The following RASGRP1 variants were observed in gnomAD, a reference collection of about 807,000 sequenced individuals.
The protein encoded by RASGRP1 is RAS guanyl-releasing protein 1.
In RASGRP1, 37 loss-of-function variants were observed where a neutral mutation model predicts 95.1. That is an observed-to-expected ratio of 0.39 (90% confidence interval 0.30 to 0.51). The LOEUF is 0.51. Ranked by LOEUF, RASGRP1 falls within the 20% of genes least tolerant of loss-of-function variation. The probability of loss-of-function intolerance (pLI) is 0.80; values close to 1 mark genes in which losing one functional copy is unlikely to be tolerated. For synonymous variants in RASGRP1, 325 were observed against 353.4 expected (o/e 0.92, Z 0.90); for missense variants, 711 against 965.4 (o/e 0.74, Z 3.49).
Position 38,512,856 on chromosome 15 carries a change from T to A in RASGRP1, c.776A>T (p.Gln259Leu), listed in dbSNP as rs1470863423. 1 of 1,613,612 alleles carries A rather than the reference T, an allele frequency of 6.2e-7. No homozygotes were observed. Among genetic ancestry groups the A allele is most frequent in the South Asian group, 1.1e-5 (1 of 91,050 alleles). The stretch of plus-strand genomic sequence containing the variant: ...CGTGGGGCGGCTGAGAACCATCAGT[T>A]GTACCCACTGGGAGATGCCGTTGCA... Reference protein sequence around the residue: ...ALCNGISQWVQLMVLSRPTPQ... With the variant: ...ALCNGISQWVLLMVLSRPTPQ... Residue 259 changes from glutamine (Q) to leucine (L), a missense_variant, in exon 7 of 17, where the codon CAA becomes CTA. By Grantham distance (113) the Gln-to-Leu change is moderately radical. Transcript: ENST00000310803.
At chr15:38,547,435 C>A (rs1893146500) in intron 2 of RASGRP1, among the ~76,000 whole-genome samples, 1 of 152,130 alleles carries the variant, frequency 6.6e-6, no homozygotes, top group South Asian at 2.1e-4. Flanking sequence ...AGTTCCTTTC[C>A]CTCAGATAAG....
At chr15:38,560,628 G>A (rs1009340238) in intron 1 of RASGRP1, among the ~76,000 whole-genome samples, 1 of 152,320 alleles carries the variant, frequency 6.6e-6, no homozygotes, top group East Asian at 1.9e-4. Context: ...GATGATGGTG[G>A]TGTTTAGATT....
At chr15:38,543,939 C>A (rs1233739637) in intron 2 of RASGRP1, among the ~76,000 whole-genome samples, 1 of 152,000 alleles carries the variant, frequency 6.6e-6, no homozygotes, top group Admixed American at 6.6e-5. Context: ...CATTTTCCTG[C>A]TTCTTTTTCT....
chr15:38,549,461 A>C (rs1169883965), intron 2 of RASGRP1, among the ~76,000 whole-genome samples: 1 of 152,154 alleles, frequency 6.6e-6, no homozygotes, highest in African/African-American at 2.4e-5. Context: ...AGATTACAAA[A>C]CCAAGTCCTA....
At chr15:38,527,494 A>G (rs1892267572) in intron 2 of RASGRP1, among the ~76,000 whole-genome samples, 1 of 152,136 alleles carries the variant, frequency 6.6e-6, no homozygotes. Flanking sequence ...GAGTGTTGAT[A>G]GTTTCTGGAT....
intron 1 of RASGRP1, 47 bp downstream of exon 1, chr15:38,564,546 CA>C: frequency 7.5e-7 from 1 of 1,331,638 alleles, no homozygotes; most frequent in South Asian, 2.2e-5. Context: ...GCCTCTTTCC[CA>C]AGAAAGGACA....
At chr15:38,510,106 A>G (rs1441230266) in intron 8 of RASGRP1, among the ~76,000 whole-genome samples, 1 of 152,194 alleles carries the variant, frequency 6.6e-6, no homozygotes, top group Non-Finnish European at 1.5e-5. Context: ...GAAATCAACA[A>G]CTTGGGGACT....
At chr15:38,514,918 C>T (rs558392753) in intron 6 of RASGRP1, among the ~76,000 whole-genome samples, 4 of 152,106 alleles carry the variant, frequency 2.6e-5, no homozygotes, top group African/African-American at 9.7e-5. Flanking sequence ...TTCCCTGTGA[C>T]GGGGAGGCAC....
At chr15:38,510,831 T>C (rs62003605) in intron 8 of RASGRP1, among the ~76,000 whole-genome samples, 3,412 of 152,214 alleles carry the variant, frequency 0.022, 60 homozygotes, top group African/African-American at 0.041. Flanking sequence ...CATAATGGTG[T>C]GCACCCATGG....
chr15:38,500,883 T>C (rs1890989194), intron 13 of RASGRP1, among the ~76,000 whole-genome samples: 1 of 152,228 alleles, frequency 6.6e-6, no homozygotes, highest in Admixed American at 6.5e-5. Flanking sequence ...ATGAATATTA[T>C]ACTTTAAAAG....
At chr15:38,557,802 A>G (rs1461201905) in intron 2 of RASGRP1, among the ~76,000 whole-genome samples, 3 of 152,112 alleles carry the variant, frequency 2.0e-5, no homozygotes, top group Non-Finnish European at 4.4e-5. Flanking sequence ...ATTAGACTCA[A>G]CGGGACTTTT....
At chr15:38,509,311 C>T (rs1440579567) in intron 8 of RASGRP1, among the ~76,000 whole-genome samples, 3 of 152,158 alleles carry the variant, frequency 2.0e-5, no homozygotes, top group Non-Finnish European at 2.9e-5. Context: ...CACTGCAATA[C>T]CATGACAGTC....
At chr15:38,539,130 T>C (rs544260171) in intron 2 of RASGRP1, among the ~76,000 whole-genome samples, 2 of 152,320 alleles carry the variant, frequency 1.3e-5, no homozygotes, top group African/African-American at 4.8e-5. Context: ...GTGACAGTGC[T>C]GTGACTTGAG....
chr15:38,545,912 C>T lies in RASGRP1; in HGVS notation c.220+13909G>A, dbSNP rs140218643. Among the ~76,000 whole-genome samples, 222 of 152,198 alleles carry T rather than the reference C, an allele frequency of 1.5e-3. 1 individual carries two copies. Among genetic ancestry groups the T allele is most frequent in the African/African-American group, 4.8e-3 (201 of 41,534 alleles). On this transcript the variant is annotated intron_variant, in intron 2 of 16. Transcript: ENST00000310803. ...AAAATGAGAGACTTTTCAGGTCTTC[C>T]TTACTAAACACTGCATTAATACAGC...
At chr15:38,550,417 A>C (rs1190107867) in intron 2 of RASGRP1, among the ~76,000 whole-genome samples, 1 of 152,082 alleles carries the variant, frequency 6.6e-6, no homozygotes, top group African/African-American at 2.4e-5. Context: ...TGTTTCCTTC[A>C]TTTATTACAA....
intron 8 of RASGRP1, among the ~76,000 whole-genome samples, chr15:38,508,388 C>T (rs1408608311): frequency 6.6e-6 from 1 of 152,170 alleles, no homozygotes; most frequent in Non-Finnish European, 1.5e-5. Context: ...GATTCCCTTC[C>T]TTGGTGTCTT....
At chr15:38,540,184 G>A (rs550942333) in intron 2 of RASGRP1, among the ~76,000 whole-genome samples, 6 of 152,116 alleles carry the variant, frequency 3.9e-5, no homozygotes, top group South Asian at 4.1e-4. Context: ...CACCTCGGCC[G>A]GCCAAAGTTC....
At chr15:38,561,702 C>T (rs11630817) in intron 1 of RASGRP1, among the ~76,000 whole-genome samples, 10,388 of 152,204 alleles carry the variant, frequency 0.068, 487 homozygotes, top group East Asian at 0.27. Flanking sequence ...AGTGGCCGCT[C>T]GGCTCTATTC....
chr15:38,560,878 C>T (rs1893779481), intron 1 of RASGRP1, among the ~76,000 whole-genome samples: 1 of 152,190 alleles, frequency 6.6e-6, no homozygotes, highest in South Asian at 2.1e-4. Context: ...CTTTCATCTA[C>T]TCACACGCAG....
Sources: gnomAD v4.1 joint callset for allele counts (sites outside exome capture counted in the v4.1 genomes callset) on GRCh38, gnomAD v4.1.1 for gene constraint, MANE v1.5 for transcripts, NCBI Gene and HGNC (gene_info 2026-07-23, HGNC 2026-07-21) for gene names.